Variants in USH2A observed in about 807,000 individuals in gnomAD.
The protein encoded by USH2A is Usher syndrome 2A (autosomal recessive, mild).
USH2A carries 443 observed loss-of-function variants against 538.9 expected under a neutral mutation model. That is an observed-to-expected ratio of 0.82 (90% CI 0.76 to 0.89). USH2A has a LOEUF of 0.89. Ranked by LOEUF, USH2A falls within the 40% of genes least tolerant of loss-of-function variation. The pLI is 0.00. For missense variants in USH2A, 6,633 were observed against 6,324.8 expected (o/e 1.05, Z -1.65); for synonymous variants, 2,413 against 2,273.5 (o/e 1.06, Z -1.75).
intron 32 of USH2A, among the ~76,000 whole-genome samples, chr1:216,035,042 A>C (rs1364548371): frequency 6.6e-6 from 1 of 152,190 alleles, no homozygotes; most frequent in Non-Finnish European, 1.5e-5. Flanking sequence ...TATTTTCATT[A>C]CTGTCATGGG....
At chr1:216,105,811 A>G (rs1036947161) in intron 21 of USH2A, among the ~76,000 whole-genome samples, 4 of 152,008 alleles carry the variant, frequency 2.6e-5, no homozygotes, top group Non-Finnish European at 4.4e-5. Flanking sequence ...CTTTGGCTAT[A>G]CAAATATTTT....
chr1:215,798,972 T>A lies in USH2A; in HGVS notation c.9893A>T (p.Gln3298Leu). Residue 3298 changes from glutamine (Q) to leucine (L), a missense_variant, in exon 50 of 72, where the codon CAG becomes CTG. Transcript: ENST00000307340. ...ACACTCTAAATCGTTGCTCACAATCTGTCTGCCACAGCACTTCTGGCCATG... is the reference window on the plus strand; with the variant it reads ...ACACTCTAAATCGTTGCTCACAATCAGTCTGCCACAGCACTTCTGGCCATG... ...DGHGQKCCGR[Q>L]IVSNDLECCG... The A allele has an allele frequency of 6.2e-7, 1 of 1,614,130 alleles. No individual in the cohort carries two copies. Among genetic ancestry groups the A allele is most frequent in the Non-Finnish European group, 8.5e-7 (1 of 1,180,006 alleles).
intron 21 of USH2A, among the ~76,000 whole-genome samples, chr1:216,173,533 G>C (rs577086427): frequency 1.3e-5 from 2 of 152,238 alleles, no homozygotes; most frequent in South Asian, 4.1e-4. Context: ...CTTTGTTATA[G>C]ACAGAAGGAT....
At chr1:215,626,015 A>T (rs901288596) in intron 71 of USH2A, 145 bp from the exon 72 acceptor site, 2 of 759,576 alleles carry the variant, frequency 2.6e-6, no homozygotes, top group Non-Finnish European at 4.4e-6. Flanking sequence ...TCTAAAACAG[A>T]CCTTGCCTTA....
At position 215,803,077 on chromosome 1, in the gene USH2A, C is replaced by A. The variant is rs1431017862; in HGVS notation, c.9740-3952G>T. ...TGCAGAAAAGGCCTTTGACAAAATT[C>A]AACAACGCTTCATGCTAAAAACTCT... On this transcript the variant is annotated intron_variant, in intron 49 of 71. Coordinates refer to ENST00000307340, the MANE Select transcript of USH2A (RefSeq NM_206933.4). Among the ~76,000 whole-genome samples the A allele has an allele frequency of 2.0e-5, 3 of 152,088 alleles. No homozygotes were observed. In the East Asian group the frequency reaches 5.8e-4, roughly 29 times the overall value.
chr1:216,135,784 A>G (rs1180498911), intron 21 of USH2A, among the ~76,000 whole-genome samples: 2 of 152,120 alleles, frequency 1.3e-5, no homozygotes, highest in Non-Finnish European at 2.9e-5. Context: ...AGCCTTAACA[A>G]TATAAGAAGC....
chr1:215,888,688 A>C lies in USH2A; in HGVS notation c.7961T>G (p.Val2654Gly). ...TCTTCTCTCAATTGTGAAATTCTCC[A>C]CCAAGCCATTGGGGTGGGTAGGGGG... ...WQPPTHPNGL[V>G]ENFTIERRVK... is the part of the protein sequence containing the mutation. The change falls in exon 41 of 72, where the codon GTG becomes GGG. Residue 2654 changes from valine (V) to glycine (G), a missense_variant. Coordinates refer to ENST00000307340, the MANE Select transcript of USH2A (RefSeq NM_206933.4). 1.2e-6 allele frequency: 2 copies of C among 1,614,126 alleles called. No individual in the cohort carries two copies. Among genetic ancestry groups the C allele is most frequent in the Non-Finnish European group, 1.7e-6 (2 of 1,180,002 alleles).
chr1:215,662,436 T>C (rs1438681545), intron 64 of USH2A, among the ~76,000 whole-genome samples: 6 of 152,288 alleles, frequency 3.9e-5, no homozygotes, highest in South Asian at 2.1e-4. Flanking sequence ...AAAGGCGCCA[T>C]GAAGATTGCC....
chr1:216,363,928 C>A (rs1231093535), intron 4 of USH2A, among the ~76,000 whole-genome samples: 1 of 151,384 alleles, frequency 6.6e-6, no homozygotes, highest in Admixed American at 6.6e-5. Flanking sequence ...TACTAAAAAT[C>A]TGTAGGAGTA....
intron 19 of USH2A, among the ~76,000 whole-genome samples, chr1:216,192,518 CCT>C (rs1463128209): frequency 6.6e-6 from 1 of 151,450 alleles, no homozygotes; most frequent in African/African-American, 2.4e-5. Context: ...ATGGCAAAAC[CCT>C]GTCTCTACTA....
chr1:216,225,875 CAGAG>C (rs1487893245), intron 14 of USH2A, among the ~76,000 whole-genome samples: 3 of 152,064 alleles, frequency 2.0e-5, no homozygotes, highest in Non-Finnish European at 2.9e-5. Flanking sequence ...GCGTAAAACT[CAGAG>C]AGACAGCTGG....
At chr1:216,023,833 A>T (rs1668902091) in intron 32 of USH2A, among the ~76,000 whole-genome samples, 1 of 152,022 alleles carries the variant, frequency 6.6e-6, no homozygotes, top group Admixed American at 6.6e-5. Context: ...CTTTTTTTTC[A>T]GGAAACTAAT....
Position 216,198,565 on chromosome 1 carries a change from T to C in USH2A, c.3831A>G (p.Glu1277=), listed in dbSNP as rs1306300100. 3 of 1,613,338 alleles carry C rather than the reference T, an allele frequency of 1.9e-6. No homozygotes were observed. Among genetic ancestry groups the C allele is most frequent in the Non-Finnish European group, 2.5e-6 (3 of 1,179,780 alleles). ...AELNGIIIRY[E]LYMRRLRSTK... ...TAGATCTCAGTCTTCTCATGTATAGTTCATATCTTATAATTATTCCTAGAG... is the reference window on the plus strand; with the variant it reads ...TAGATCTCAGTCTTCTCATGTATAGCTCATATCTTATAATTATTCCTAGAG... The change falls in exon 18 of 72, where the codon GAA becomes GAG. Residue 1277 remains glutamate (E), a synonymous_variant. Coordinates refer to ENST00000307340, the MANE Select transcript of USH2A (RefSeq NM_206933.4).
At chr1:215,776,467 G>T (rs1438967589) in intron 55 of USH2A, among the ~76,000 whole-genome samples, 1 of 152,094 alleles carries the variant, frequency 6.6e-6, no homozygotes, top group East Asian at 1.9e-4. Context: ...GCATTTACGG[G>T]ATCATGTTTC....
chr1:215,817,826 C>T (rs556668449), intron 47 of USH2A, among the ~76,000 whole-genome samples: 47 of 152,048 alleles, frequency 3.1e-4, no homozygotes, highest in African/African-American at 9.6e-4. Flanking sequence ...CTATCCACAG[C>T]GGACTCTTGA....
At chr1:216,420,285 T>A (rs1459954111) in intron 2 of USH2A, among the ~76,000 whole-genome samples, 1 of 152,118 alleles carries the variant, frequency 6.6e-6, no homozygotes, top group African/African-American at 2.4e-5. Context: ...TTTCTTAATA[T>A]GTTATTGATT....
intron 9 of USH2A, 53 bp downstream of exon 9, chr1:216,321,830 T>A: frequency 6.8e-7 from 1 of 1,465,106 alleles, no homozygotes; most frequent in Non-Finnish European, 9.6e-7. Flanking sequence ...GAATTTATAG[T>A]CACCATCTCT....
intron 4 of USH2A, among the ~76,000 whole-genome samples, chr1:216,331,560 A>G (rs1165969095): frequency 6.6e-6 from 1 of 152,112 alleles, no homozygotes; most frequent in Non-Finnish European, 1.5e-5. Context: ...AAGGAAAGAA[A>G]TAAACTCTCA....
rs951967909 is a variant in USH2A at position 216,359,344 on chromosome 1, A to G, written c.784+5609T>C. 2.6e-5 allele frequency among the ~76,000 whole-genome samples: 4 copies of G among 152,128 alleles called. No homozygotes were observed. The South Asian group carries it at 6.2e-4, about 24-fold the overall frequency. ...CCACTTAATGCACATTTACTATACA[A>G]CAAGCAACTTATATTCTAAACATAC... On this transcript the variant is annotated intron_variant, in intron 4 of 71. Transcript: ENST00000307340.
Sources: gnomAD v4.1 joint callset for allele counts (sites outside exome capture counted in the v4.1 genomes callset) on GRCh38, gnomAD v4.1.1 for gene constraint, MANE v1.5 for transcripts, NCBI Gene and HGNC (gene_info 2026-07-23, HGNC 2026-07-21) for gene names.